Variants in DMD observed in about 807,000 individuals in gnomAD.
DMD encodes the protein mutant dystrophin.
A neutral mutation model predicts 330.1 loss-of-function variants in DMD; 63 were observed. The observed-to-expected ratio is 0.19, with a 90% confidence interval of 0.16 to 0.24. The LOEUF (loss-of-function observed/expected upper bound fraction) is 0.24. Ranked by LOEUF, DMD falls within the 10% of genes least tolerant of loss-of-function variation. DMD has a pLI of 1.00. For synonymous variants in DMD, 1,223 were observed against 959.8 expected, an observed-to-expected ratio of 1.27 and a Z score of -5.07; for missense variants, 3,344 against 2,684.1, an observed-to-expected ratio of 1.25 and a Z score of -5.43.
chrX:33,021,062 G>A (rs2093905302), intron 1 of DMD, among the ~76,000 whole-genome samples: 1 of 111,261 alleles, frequency 9.0e-6, no homozygotes, highest in African/African-American at 3.3e-5. Context: ...ATACGTGCAT[G>A]CTTTAAGGAA....
At chrX:31,380,609 G>C (rs1421539825) in intron 60 of DMD, among the ~76,000 whole-genome samples, 1 of 111,351 alleles carries the variant, frequency 9.0e-6, no homozygotes, top group East Asian at 2.8e-4. Flanking sequence ...TGTCCTAAAA[G>C]CAGACAAGGT....
At chrX:31,979,196 G>A (rs2095458693) in intron 44 of DMD, among the ~76,000 whole-genome samples, 1 of 111,129 alleles carries the variant, frequency 9.0e-6, no homozygotes, top group African/African-American at 3.3e-5. Flanking sequence ...TGAGACCACC[G>A]GTGCATACCA....
intron 18 of DMD, chrX:32,516,848 C>A (rs1319272384): frequency 3.6e-5 from 4 of 111,235 alleles, no homozygotes; most frequent in African/African-American, 1.3e-4. Flanking sequence ...TCATATTTCC[C>A]ATTTCTTGAA....
intron 67 of DMD, among the ~76,000 whole-genome samples, chrX:31,202,711 G>T (rs1328850314): frequency 1.8e-5 from 2 of 111,620 alleles, no homozygotes; most frequent in East Asian, 5.6e-4. Context: ...AATAGAATTA[G>T]AATGGATTGA....
At chrX:32,517,952 G>A (rs770767118) in intron 18 of DMD, 56 bp downstream of exon 18, 48 of 1,157,230 alleles carry the variant, frequency 4.1e-5, no homozygotes, top group Admixed American at 8.8e-5. Flanking sequence ...AACAAAGCAC[G>A]GAGTTTACAA....
At chrX:31,999,970 G>A (rs1225119676) in intron 44 of DMD, among the ~76,000 whole-genome samples, 2 of 112,382 alleles carry the variant, frequency 1.8e-5, no homozygotes, top group Non-Finnish European at 3.8e-5. Context: ...TATGGCTAAT[G>A]AGGATTCAGA....
At chrX:31,427,118 C>T (rs1433508462) in intron 60 of DMD, among the ~76,000 whole-genome samples, 1 of 111,710 alleles carries the variant, frequency 9.0e-6, no homozygotes, top group Admixed American at 9.6e-5. Context: ...CCCCTAATTA[C>T]ATGTTTTTCA....
intron 48 of DMD, among the ~76,000 whole-genome samples, chrX:31,846,257 C>G (rs781403874): frequency 1.6e-4 from 18 of 111,140 alleles, no homozygotes; most frequent in Admixed American, 5.8e-4. Flanking sequence ...TCTCGGTTTA[C>G]TTTGTAAATA....
chrX:32,810,598 T>C (rs1735936469), intron 6 of DMD, among the ~76,000 whole-genome samples: 1 of 112,244 alleles, frequency 8.9e-6, no homozygotes, highest in Non-Finnish European at 1.9e-5. Context: ...TCAAAATGTA[T>C]TCAGAATTTG....
intron 44 of DMD, among the ~76,000 whole-genome samples, chrX:32,132,950 C>T (rs901759403): frequency 3.9e-5 from 4 of 102,531 alleles, no homozygotes; most frequent in Admixed American, 2.2e-4. Flanking sequence ...ACACCACACA[C>T]TTTTGTTTTT....
At chrX:32,462,492 G>C (rs781300608) in intron 25 of DMD, among the ~76,000 whole-genome samples, 1 of 110,816 alleles carries the variant, frequency 9.0e-6, no homozygotes, top group Non-Finnish European at 1.9e-5. Context: ...CACTATTTTT[G>C]AATATATCTT....
chrX:32,395,555 A>G (rs145994663), intron 30 of DMD, among the ~76,000 whole-genome samples: 2,727 of 111,040 alleles, frequency 0.025, 35 homozygotes, highest in Middle Eastern at 0.051. Context: ...CACGTACCCT[A>G]GAACTTAAAG....
chrX:32,064,497 C>T (rs948282323), intron 44 of DMD, among the ~76,000 whole-genome samples: 2 of 111,318 alleles, frequency 1.8e-5, no homozygotes, highest in African/African-American at 6.5e-5. Flanking sequence ...TTAATTTAAA[C>T]CTTGGCAAAC....
chrX:32,478,018 C>A (rs1172321381), intron 21 of DMD, among the ~76,000 whole-genome samples: 3 of 111,393 alleles, frequency 2.7e-5, no homozygotes, highest in African/African-American at 9.8e-5. Flanking sequence ...TGACTTTTAC[C>A]TGTTGATCTG....
chrX:31,261,826 T>C lies in DMD; in HGVS notation c.9225-810A>G, dbSNP rs756395155. On this transcript the variant is annotated intron_variant, in intron 62 of 78. Transcript: ENST00000357033. ...ATATACTTTTCCTTACTTTGGCCCATCTACATAAATCACCATAGCGTCATA... is the reference window on the plus strand; with the variant it reads ...ATATACTTTTCCTTACTTTGGCCCACCTACATAAATCACCATAGCGTCATA... The C allele has an allele frequency of 2.7e-5, 3 of 112,421 alleles. No homozygotes were observed. In the South Asian group the frequency reaches 1.1e-3, roughly 42 times the overall value. The allele number at this position is 112,421 out of a possible 1,213,427, so 9.3% of individuals were successfully genotyped here. A position where few individuals can be genotyped will look rare whatever the true frequency, so the allele number is the denominator to read the frequency against.
intron 60 of DMD, among the ~76,000 whole-genome samples, chrX:31,407,762 G>A (rs1356819529): frequency 9.1e-6 from 1 of 110,466 alleles, no homozygotes; most frequent in Admixed American, 9.7e-5. Flanking sequence ...TTTTAGGCAT[G>A]AGCCACCGCA....
intron 9 of DMD, among the ~76,000 whole-genome samples, chrX:32,668,483 T>A (rs1261723886): frequency 2.7e-5 from 3 of 112,139 alleles, no homozygotes; most frequent in Non-Finnish European, 5.6e-5. Flanking sequence ...TTTCTCAAGT[T>A]GGCTTAAAAG....
chrX:33,008,088 G>T (rs2093432084), intron 2 of DMD, among the ~76,000 whole-genome samples: 1 of 111,368 alleles, frequency 9.0e-6, no homozygotes. Context: ...TCATCACCTG[G>T]CCACAATTCT....
chrX:31,187,782 AGAGAG>A (rs2148392179), intron 67 of DMD, among the ~76,000 whole-genome samples: 1 of 73,406 alleles, frequency 1.4e-5, no homozygotes, highest in South Asian at 6.2e-4. Context: ...AGAGAGAGAG[AGAGAG>A]AACAAGCAAG....
Sources: gnomAD v4.1 joint callset for allele counts (sites outside exome capture counted in the v4.1 genomes callset) on GRCh38, gnomAD v4.1.1 for gene constraint, MANE v1.5 for transcripts, NCBI Gene and HGNC (gene_info 2026-07-23, HGNC 2026-07-21) for gene names.